Variants in RNF150 observed in about 807,000 individuals in gnomAD.
RNF150 encodes ring finger protein 150.
A neutral mutation model predicts 39.3 loss-of-function variants in RNF150; 24 were observed. The observed-to-expected ratio is 0.61, with a 90% CI of 0.44 to 0.86. The LOEUF is 0.86. Among genes scored for constraint, RNF150 ranks in the 40% least tolerant of loss-of-function variants. RNF150 has a pLI of 0.00. For synonymous variants in RNF150, 255 were observed against 227.3 expected, an observed-to-expected ratio of 1.12 and a Z score of -1.10; for missense variants, 502 against 587.8, an observed-to-expected ratio of 0.85 and a Z score of 1.51.
chr4:140,907,014 A>C (rs571355336), intron 6 of RNF150, among the ~76,000 whole-genome samples: 1 of 152,218 alleles, frequency 6.6e-6, no homozygotes, highest in African/African-American at 2.4e-5. Context: ...AGAAGGGATA[A>C]TAAAGTCATC....
At chr4:141,128,589 G>A (rs1275005624) in intron 1 of RNF150, among the ~76,000 whole-genome samples, 7 of 152,094 alleles carry the variant, frequency 4.6e-5, no homozygotes, top group Non-Finnish European at 1.0e-4. Flanking sequence ...TTCACTTCTG[G>A]GGCTTTTACT....
Position 141,090,811 on chromosome 4 carries a change from G to GT in RNF150, c.484+41513dup, listed in dbSNP as rs1020478118. On this transcript the variant is annotated intron_variant, in intron 1 of 6. Coordinates refer to ENST00000515673, the MANE Select transcript of RNF150 (RefSeq NM_020724.2). Reference sequence around the variant, plus strand: ...ACGATGGCCAATGGTTTTTTGTTTTGTTTTTTTTTCCAGAGAAGCTGGAAA... The same window carrying GT: ...ACGATGGCCAATGGTTTTTTGTTTTGTTTTTTTTTTCCAGAGAAGCTGGAAA... Among the ~76,000 whole-genome samples the GT allele has an allele frequency of 5.2e-4, 78 of 151,396 alleles. 1 individual carries two copies. In the South Asian group the frequency reaches 5.4e-3, roughly 11 times the overall value.
intron 1 of RNF150, 144 bp from the exon 2 acceptor site, chr4:140,968,017 A>G: frequency 3.1e-6 from 2 of 650,610 alleles, no homozygotes; most frequent in Admixed American, 3.0e-5. Flanking sequence ...AAGACCTAAT[A>G]CTTAGAAACC....
chr4:140,978,510 AG>A (rs1450077355), intron 1 of RNF150, among the ~76,000 whole-genome samples: 1 of 152,188 alleles, frequency 6.6e-6, no homozygotes, highest in Admixed American at 6.6e-5. Context: ...ACAAGTGTAT[AG>A]AATTATTTAT....
At chr4:141,203,442 A>C (rs575771677) in intron 1 of RNF150, among the ~76,000 whole-genome samples, 11 of 151,716 alleles carry the variant, frequency 7.3e-5, no homozygotes, top group African/African-American at 2.7e-4. Flanking sequence ...AGGCAAAAAT[A>C]CTCGATTATA....
At chr4:141,134,981 C>T (rs1727006723), upstream of RNF150, among the ~76,000 whole-genome samples, 1 of 152,198 alleles carries the variant, frequency 6.6e-6, no homozygotes, top group South Asian at 2.1e-4. Context: ...CTATCCCTTA[C>T]CCCTTCTTTC....
intron 1 of RNF150, among the ~76,000 whole-genome samples, chr4:141,099,593 TC>T (rs1738932818): frequency 6.6e-6 from 1 of 152,114 alleles, no homozygotes; most frequent in Non-Finnish European, 1.5e-5. Context: ...AAAATTGGGC[TC>T]CTGGAAAGTT....
chr4:141,000,603 T>A (rs1734629110), intron 1 of RNF150, among the ~76,000 whole-genome samples: 1 of 152,242 alleles, frequency 6.6e-6, no homozygotes, highest in Non-Finnish European at 1.5e-5. Flanking sequence ...AATCAAGGAA[T>A]GTTGAGAAGG....
intron 1 of RNF150, among the ~76,000 whole-genome samples, chr4:140,988,560 A>G (rs1734087280): frequency 6.6e-6 from 1 of 152,126 alleles, no homozygotes; most frequent in Non-Finnish European, 1.5e-5. Context: ...ACATATGTAT[A>G]CATGTGCCAT....
intron 1 of RNF150, among the ~76,000 whole-genome samples, chr4:141,110,996 A>G (rs549470750): frequency 4.9e-4 from 74 of 152,286 alleles, no homozygotes; most frequent in African/African-American, 1.6e-3. Flanking sequence ...CCTGCTGTTG[A>G]GAACCCATCT....
At chr4:141,115,879 C>T (rs1739534207) in intron 1 of RNF150, among the ~76,000 whole-genome samples, 3 of 152,162 alleles carry the variant, frequency 2.0e-5, no homozygotes, top group Admixed American at 6.5e-5. Flanking sequence ...CTGACAAAAA[C>T]ACACAATGGG....
At chr4:140,958,816 GGAGA>G (rs1166713165) in intron 2 of RNF150, among the ~76,000 whole-genome samples, 1 of 152,130 alleles carries the variant, frequency 6.6e-6, no homozygotes, top group African/African-American at 2.4e-5. Flanking sequence ...GGGCTGGTGA[GGAGA>G]GAGAGGTCTG....
At chr4:140,887,613 T>A (rs1460795428) in intron 6 of RNF150, among the ~76,000 whole-genome samples, 1 of 152,166 alleles carries the variant, frequency 6.6e-6, no homozygotes, top group Non-Finnish European at 1.5e-5. Flanking sequence ...TGTGACAGCC[T>A]TATCCCTACT....
intron 1 of RNF150, among the ~76,000 whole-genome samples, chr4:141,201,798 A>G (rs946016650): frequency 6.6e-6 from 1 of 152,070 alleles, no homozygotes; most frequent in Non-Finnish European, 1.5e-5. Flanking sequence ...CTACCAACAA[A>G]CAGCTTGACT....
intron 5 of RNF150, among the ~76,000 whole-genome samples, chr4:140,916,841 C>G (rs1475283113): frequency 8.5e-5 from 13 of 152,330 alleles, no homozygotes; most frequent in Admixed American, 5.2e-4. Flanking sequence ...AACAGCTGAT[C>G]TCTTGGCAGA....
chr4:141,179,542 A>G (rs551876622), intron 1 of RNF150, among the ~76,000 whole-genome samples: 5 of 152,164 alleles, frequency 3.3e-5, no homozygotes, highest in Non-Finnish European at 5.9e-5. Context: ...AAACCCATTC[A>G]TATTTCTATA....
At chr4:141,135,913 C>T (rs1408887629), upstream of RNF150, among the ~76,000 whole-genome samples, 1 of 152,184 alleles carries the variant, frequency 6.6e-6, no homozygotes, top group Non-Finnish European at 1.5e-5. Flanking sequence ...TTATGAAATG[C>T]ACTGGAATTA....
intron 1 of RNF150, among the ~76,000 whole-genome samples, chr4:140,983,710 G>A (rs1326197677): frequency 1.3e-5 from 2 of 150,562 alleles, no homozygotes; most frequent in African/African-American, 4.9e-5. Flanking sequence ...TTTGGAGATG[G>A]TGAATAACTT....
intron 1 of RNF150, among the ~76,000 whole-genome samples, chr4:141,006,554 G>C (rs1734880602): frequency 6.6e-6 from 1 of 152,116 alleles, no homozygotes; most frequent in Non-Finnish European, 1.5e-5. Flanking sequence ...AACTGGACAG[G>C]GCTGATTAAG....
Sources: gnomAD v4.1 joint callset for allele counts (sites outside exome capture counted in the v4.1 genomes callset) on GRCh38, gnomAD v4.1.1 for gene constraint, MANE v1.5 for transcripts, NCBI Gene and HGNC (gene_info 2026-07-23, HGNC 2026-07-21) for gene names.